TANK: variants seen among roughly 807,000 people sequenced by gnomAD.
The protein encoded by TANK is TRAF family member associated NFKB activator.
Under a neutral mutation model 43.6 loss-of-function variants are expected in TANK, and 15 were observed. The observed-to-expected ratio is 0.34, with a 90% confidence interval of 0.23 to 0.53. The LOEUF (loss-of-function observed/expected upper bound fraction) is 0.53. TANK is among the 20% of genes least tolerant of loss of function. TANK has a pLI of 0.94. For missense variants in TANK, 417 were observed against 498.6 expected (o/e 0.84, Z 1.56); for synonymous variants, 162 against 178.2 (o/e 0.91, Z 0.73).
Position 161,161,246 on chromosome 2 carries a change from A to G in TANK, c.-50+760A>G, listed in dbSNP as rs539814772. 5 of 1,547,188 alleles carry G rather than the reference A, an allele frequency of 3.2e-6. No individual in the cohort carries two copies. The East Asian group carries it at 7.3e-5, about 23-fold the overall frequency. On this transcript the variant is annotated intron_variant, in intron 1 of 7. Coordinates refer to ENST00000392749, the MANE Select transcript of TANK (RefSeq NM_001199135.3). ...ATGCTATAACGAGCAAAAGTAAAGC[A>G]GCCTTGCTATGTAAAGTGGTGTTTA... is the stretch of plus-strand genomic sequence containing the variant.
chr2:161,138,615 C>T (rs3820998), intron 1 of TANK, among the ~76,000 whole-genome samples: 1 of 152,052 alleles, frequency 6.6e-6, no homozygotes, highest in Non-Finnish European at 1.5e-5. Context: ...AAGCAGTTAG[C>T]TTCAGAGCCG....
At chr2:161,161,939 A>G (rs1684457777) in intron 1 of TANK, 1 of 152,272 alleles carries the variant, frequency 6.6e-6, no homozygotes, top group East Asian at 1.9e-4. Flanking sequence ...AAAAATTCTT[A>G]AAATCTTCTC....
intron 2 of TANK, among the ~76,000 whole-genome samples, chr2:161,180,724 A>T (rs1163788819): frequency 1.3e-5 from 2 of 152,138 alleles, no homozygotes; most frequent in Non-Finnish European, 2.9e-5. Context: ...ACTCATAGTT[A>T]AGATTTATTA....
chr2:161,223,826 A>C, intron 4 of TANK, 89 bp from the exon 5 acceptor site: 1 of 815,404 alleles, frequency 1.2e-6, no homozygotes, highest in South Asian at 1.8e-5. Context: ...AAGGTAAATA[A>C]AATTTCCTTT....
At chr2:161,172,590 C>T (rs1685000750) in intron 1 of TANK, among the ~76,000 whole-genome samples, 1 of 152,052 alleles carries the variant, frequency 6.6e-6, no homozygotes, top group South Asian at 2.1e-4. Flanking sequence ...CTTCCCTCTC[C>T]TCCTGAAAAT....
chr2:161,229,100 AGAAACTTAT>A (rs1176203394), intron 6 of TANK, among the ~76,000 whole-genome samples: 2 of 152,270 alleles, frequency 1.3e-5, no homozygotes, highest in Non-Finnish European at 2.9e-5. Flanking sequence ...AGTCATCCAG[AGAAACTTAT>A]GTCCAAGCCA....
At chr2:161,232,440 T>C (rs770479234) in intron 7 of TANK, among the ~76,000 whole-genome samples, 6 of 152,248 alleles carry the variant, frequency 3.9e-5, no homozygotes, top group African/African-American at 1.2e-4. Flanking sequence ...AGTACACATA[T>C]AGGTTATAGA....
At chr2:161,232,798 G>A (rs1336054961) in intron 7 of TANK, 2 of 1,550,436 alleles carry the variant, frequency 1.3e-6, no homozygotes, top group African/African-American at 2.7e-5. Flanking sequence ...ACTACAGCAA[G>A]GGAAACAGCT....
chr2:161,202,846 T>C (rs962970939), intron 2 of TANK: 1 of 466,850 alleles, frequency 2.1e-6, no homozygotes, highest in Non-Finnish European at 4.4e-6. Flanking sequence ...TCTTTTTTCA[T>C]TGCTTTATTC....
upstream of TANK, among the ~76,000 whole-genome samples, chr2:161,158,005 A>G (rs1684270765): frequency 6.6e-6 from 1 of 152,124 alleles, no homozygotes. Flanking sequence ...TATCTTTTAA[A>G]GGCCTGCAAT....
intron 1 of TANK, 164 bp downstream of exon 1, chr2:161,160,650 G>C: frequency 1.7e-6 from 1 of 573,140 alleles, no homozygotes; most frequent in Non-Finnish European, 2.8e-6. Flanking sequence ...GAGGGATTTT[G>C]TGCGGGAGAA....
chr2:161,141,955 A>T lies in TANK; in HGVS notation c.-50+4892A>T, dbSNP rs564898527. Among the ~76,000 whole-genome samples the T allele has an allele frequency of 7.2e-5, 11 of 152,250 alleles. No individual in the cohort carries two copies. The South Asian group carries it at 2.3e-3, about 32-fold the overall frequency. ...AATTTACATTTCCACCAACAGTGTA[A>T]AAGCATTCCTATTTCTCCAAAGCCT... is the stretch of plus-strand genomic sequence containing the variant. On this transcript the variant is annotated intron_variant, in intron 1 of 7. Transcript: ENST00000259075.
chr2:161,198,918 G>C (rs568086478), intron 2 of TANK, among the ~76,000 whole-genome samples: 2 of 152,254 alleles, frequency 1.3e-5, no homozygotes, highest in South Asian at 4.1e-4. Flanking sequence ...TAACCTAGTA[G>C]GCAGAAAATG....
intron 4 of TANK, among the ~76,000 whole-genome samples, chr2:161,209,969 C>A (rs1686806807): frequency 6.6e-6 from 1 of 152,088 alleles, no homozygotes; most frequent in African/African-American, 2.4e-5. Flanking sequence ...GTTCTCATGT[C>A]TATATATTTC....
chr2:161,235,230 A>C, intron 7 of TANK, 112 bp from the exon 8 acceptor site: 1 of 892,708 alleles, frequency 1.1e-6, no homozygotes. Context: ...CTTTTATATT[A>C]GGGAATTCAA....
At chr2:161,197,025 G>A (rs13385763) in intron 2 of TANK, among the ~76,000 whole-genome samples, 17,042 of 152,096 alleles carry the variant, frequency 0.11, 1,686 homozygotes, top group African/African-American at 0.26. Flanking sequence ...AGTGTGATAC[G>A]TATACACACA....
At chr2:161,155,844 T>C (rs1319637568), upstream of TANK, among the ~76,000 whole-genome samples, 1 of 152,338 alleles carries the variant, frequency 6.6e-6, no homozygotes, top group South Asian at 2.1e-4. Flanking sequence ...CTGATTCTTG[T>C]ATGTATGTCA....
At chr2:161,216,556 T>A (rs1687125553) in intron 4 of TANK, 1 of 211,668 alleles carries the variant, frequency 4.7e-6, no homozygotes, top group African/African-American at 2.4e-5. Flanking sequence ...TACTAGGTCT[T>A]GGTAGTTTAT....
chr2:161,167,359 G>T (rs937446315), intron 1 of TANK, among the ~76,000 whole-genome samples: 2 of 152,188 alleles, frequency 1.3e-5, no homozygotes, highest in African/African-American at 4.8e-5. Context: ...CCTCAGTGCA[G>T]CTCCAGAGGC....
Sources: allele counts gnomAD v4.1 joint callset (sites outside exome capture counted in the v4.1 genomes callset), GRCh38; gene constraint gnomAD v4.1.1; transcripts MANE v1.5; gene names NCBI Gene and HGNC (gene_info 2026-07-23, HGNC 2026-07-21).